LRCH4: variants seen among roughly 807,000 people sequenced by gnomAD.
The protein encoded by LRCH4 is leucine-rich repeat and calponin homology domain-containing protein 4.
A neutral mutation model predicts 81.2 loss-of-function variants in LRCH4; 56 were observed. The ratio of observed to expected loss-of-function variants is 0.69; its 90% CI spans 0.56 to 0.86. LRCH4 has a LOEUF of 0.86. LRCH4 is among the 40% of genes least tolerant of loss of function. The probability of loss-of-function intolerance (pLI) is 0.00; values close to 1 mark genes in which losing one functional copy is unlikely to be tolerated. For synonymous variants in LRCH4, 442 were observed against 409.7 expected (o/e 1.08, Z -0.95); for missense variants, 895 against 922.8 (o/e 0.97, Z 0.39).
rs749469364 is a variant in LRCH4, at chr7:100,578,793, C to G, written c.599-7G>C. On this transcript the variant is annotated splice_polypyrimidine_tract_variant and splice_region_variant and intron_variant, in intron 4 of 17. Coordinates refer to ENST00000310300, the MANE Select transcript of LRCH4 (RefSeq NM_002319.5). This position sits in a 1 kb window ranked among gnomAD's most constrained non-coding sequence, Gnocchi z 5.7. ...AGAGGGAGGTCCCCCAGCTCTGGAA[C>G]AGGTGGGCAAGGGAAAAGTCAGGAA... 1 of 1,612,228 alleles carries G rather than the reference C, an allele frequency of 6.2e-7. No individual in the cohort carries two copies. The highest frequency in any genetic ancestry group is 8.5e-7 in the Non-Finnish European group (1 of 1,179,536).
chr7:100,576,429 G>C, intron 14 of LRCH4, 106 bp from the exon 15 acceptor site: 1 of 796,858 alleles, frequency 1.3e-6, no homozygotes, highest in South Asian at 1.6e-5. Flanking sequence ...CTGCTTGTGG[G>C]ATTTTTTTTT....
At chr7:100,584,804 A>G (rs1304445690) in intron 1 of LRCH4, 3 of 456,576 alleles carry the variant, frequency 6.6e-6, no homozygotes, top group South Asian at 4.6e-5. Flanking sequence ...GCACCTGCTT[A>G]GGGAGAAGTA....
At position 100,581,805 on chromosome 7, in the gene LRCH4, C is replaced by G. The variant is rs1801567824; in HGVS notation, c.570G>C (p.Arg190=). Residue 190 remains arginine, a synonymous_variant, in exon 4 of 18, where the codon CGG becomes CGC. Coordinates refer to ENST00000310300, the MANE Select transcript of LRCH4 (RefSeq NM_002319.5). ...GLSSLRDLNV[R]RNQLSTLPEE... ...CGGGCAGCGTACTGAGCTGGTTCCTCCGGACATTGAGGTCCCGCAGGGAAG... is the reference window on the plus strand; with the variant it reads ...CGGGCAGCGTACTGAGCTGGTTCCTGCGGACATTGAGGTCCCGCAGGGAAG... 4 of 1,614,214 alleles carry G rather than the reference C, an allele frequency of 2.5e-6. No individual in the cohort carries two copies. The highest frequency in any genetic ancestry group is 3.4e-6 in the Non-Finnish European group (4 of 1,180,016).
In LRCH4 at chr7:100,582,374, G is replaced by C. The variant is rs1412544758; in HGVS notation, c.306C>G (p.Cys102Trp). The change falls in exon 2 of 18, where the codon TGC becomes TGG. Residue 102 changes from cysteine to tryptophan, a missense_variant. Coordinates refer to ENST00000310300, the MANE Select transcript of LRCH4 (RefSeq NM_002319.5). This position sits in a 1 kb window ranked among gnomAD's most constrained non-coding sequence, Gnocchi z 5.0. Reference protein sequence around the residue: ...SLEGLSLYHNCLRCLNPALGN... With the variant: ...SLEGLSLYHNWLRCLNPALGN... Reference sequence around the variant, plus strand: ...CCAAGGCTGGGTTCAGGCATCTCAGGCAATTGTGGTAGAGGCTCAGGCCCT... The same window carrying C: ...CCAAGGCTGGGTTCAGGCATCTCAGCCAATTGTGGTAGAGGCTCAGGCCCT... The C allele has an allele frequency of 6.2e-7, 1 of 1,614,112 alleles. No homozygotes were observed. Among genetic ancestry groups the C allele is most frequent in the Non-Finnish European group, 8.5e-7 (1 of 1,180,008 alleles).
intron 1 of LRCH4, chr7:100,584,059 T>C (rs1801641003): frequency 2.3e-6 from 1 of 443,046 alleles, no homozygotes; most frequent in African/African-American, 2.0e-5. Context: ...CCAAGGGAGA[T>C]CAGGGACCCA....
In LRCH4 at chr7:100,582,078, G is replaced by T; in HGVS notation, c.455C>A (p.Pro152His). 1.9e-6 allele frequency: 3 copies of T among 1,611,804 alleles called. No homozygotes were observed. Among genetic ancestry groups the T allele is most frequent in the Non-Finnish European group, 1.7e-6 (2 of 1,179,702 alleles). The change falls in exon 3 of 18, where the codon CCC becomes CAC. Residue 152 changes from proline to histidine, a missense_variant. Physicochemically the swap from Pro to His is moderately conservative, Grantham distance 77. Transcript: ENST00000310300. The surrounding 1 kb of genome is among the most constrained non-coding windows in gnomAD (Gnocchi z 5.0). The stretch of plus-strand genomic sequence containing the variant: ...GCTTCCCAGGGTGCCGATGTCAGGG[G>T]GCAGGGCTCCCAGCTTGTTGTTGCT... ...IVSNNKLGALPPDIGTLGSLR... is the reference protein window; with the variant it reads ...IVSNNKLGALHPDIGTLGSLR...
chr7:100,576,379 G>C, intron 14 of LRCH4, 56 bp from the exon 15 acceptor site: 3 of 1,334,410 alleles, frequency 2.2e-6, no homozygotes, highest in Non-Finnish European at 3.2e-6. Flanking sequence ...TGACTCTGTA[G>C]CTGGGTCCCA....
At position 100,575,042 on chromosome 7, in the gene LRCH4, G is replaced by C. The variant is rs543289455; in HGVS notation, c.*65C>G. ...GCTGAAGGCACCGCAGGTGGGGTCG[G>C]GTGGAGCAGGGACCTTATAAATAGA... On this transcript the variant is annotated 3_prime_UTR_variant, in exon 18 of 18. Transcript: ENST00000310300. This position sits in a 1 kb window ranked among gnomAD's most constrained non-coding sequence, Gnocchi z 5.3. 9.6e-6 allele frequency: 14 copies of C among 1,465,444 alleles called. No homozygotes were observed. In the African/African-American group the frequency reaches 2.0e-4, roughly 21 times the overall value. The allele number at this position is 1,465,444 out of a possible 1,614,324, so 90.8% of individuals were successfully genotyped here.
chr7:100,585,855 T>TGGGTCCG (rs763664242), intron 1 of LRCH4, 26 bp downstream of exon 1: 2 of 1,540,560 alleles, frequency 1.3e-6, no homozygotes, highest in Admixed American at 1.9e-5. Flanking sequence ...GGGACCCGGT[T>TGGGTCCG]GGGCCCGGGG....
chr7:100,578,278 T>C lies in LRCH4; in HGVS notation c.849-20A>G. 6.2e-7 allele frequency: 1 copy of C among 1,609,166 alleles called. No homozygotes were observed. On this transcript the variant is annotated intron_variant, in intron 6 of 17. Coordinates refer to ENST00000310300, the MANE Select transcript of LRCH4 (RefSeq NM_002319.5). This position sits in a 1 kb window ranked among gnomAD's most constrained non-coding sequence, Gnocchi z 5.7. ...GCAGGGCTGGGGCCAGCCAGGCGGA[T>C]CTGGTCAGCCTGATGCTGGACAACA...
In LRCH4 at chr7:100,582,959, A is replaced by G. The variant is rs933585134; in HGVS notation, c.221-500T>C. ...TACTCCAGTGTGTTTTCAACACGGG[A>G]AAAACCACAGGTCACTCTATCTTGG... On this transcript the variant is annotated intron_variant, in intron 1 of 17. Coordinates refer to ENST00000310300, the MANE Select transcript of LRCH4 (RefSeq NM_002319.5). This position sits in a 1 kb window ranked among gnomAD's most constrained non-coding sequence, Gnocchi z 5.0. Among the ~76,000 whole-genome samples, 4 of 152,198 alleles carry G rather than the reference A, an allele frequency of 2.6e-5. No individual in the cohort carries two copies. Among genetic ancestry groups the G allele is most frequent in the African/African-American group, 4.8e-5 (2 of 41,448 alleles).
chr7:100,584,306 C>T (rs1379111050), intron 1 of LRCH4: 1 of 450,808 alleles, frequency 2.2e-6, no homozygotes. Context: ...TGGCCTAGAA[C>T]CTGGGCCCTG....
chr7:100,575,066 G>A lies in LRCH4; in HGVS notation c.*41C>T, dbSNP rs757822075. On this transcript the variant is annotated 3_prime_UTR_variant, in exon 18 of 18. Transcript: ENST00000310300. This position sits in a 1 kb window ranked among gnomAD's most constrained non-coding sequence, Gnocchi z 5.3. ...GGGTGGAGCAGGGACCTTATAAATAGAGAGGAAGGGAAAGGGGTGAGGGAG... is the reference window on the plus strand; with the variant it reads ...GGGTGGAGCAGGGACCTTATAAATAAAGAGGAAGGGAAAGGGGTGAGGGAG... 16 of 1,557,940 alleles carry A rather than the reference G, an allele frequency of 1.0e-5. No homozygotes were observed. Among genetic ancestry groups the A allele is most frequent in the Non-Finnish European group, 1.4e-5 (16 of 1,146,272 alleles).
Position 100,585,922 on chromosome 7 carries a change from C to T in LRCH4, c.179G>A (p.Gly60Asp). ...SNRRLKHFPRGAARSYDLSDI... is the reference protein window; with the variant it reads ...SNRRLKHFPRDAARSYDLSDI... ...TGACAGGTCGTAGCTACGGGCCGCG[C>T]CCCGGGGGAAGTGCTTCAAGCGCCG... The change falls in exon 1 of 18, where the codon GGC becomes GAC. Residue 60 changes from glycine (G) to aspartate (D), a missense_variant. Around this residue, in one of 3 missense-constraint regions of LRCH4, gnomAD observed 360 missense variants for 397.0 expected, o/e 0.91. Transcript: ENST00000310300. 1.2e-6 allele frequency: 2 copies of T among 1,611,832 alleles called. No homozygotes were observed. The highest frequency in any genetic ancestry group is 1.7e-6 in the Non-Finnish European group (2 of 1,178,886).
In LRCH4 at chr7:100,575,665, G is replaced by A; in HGVS notation, c.1854+40C>T. On this transcript the variant is annotated intron_variant, in intron 17 of 17. Coordinates refer to ENST00000310300, the MANE Select transcript of LRCH4 (RefSeq NM_002319.5). The surrounding 1 kb of genome is among the most constrained non-coding windows in gnomAD (Gnocchi z 5.3). ...CCATCCATGCCACATGCTCGGCTGA[G>A]TCCGGCATGCCACCACTCTTTAGAA... The A allele has an allele frequency of 6.2e-7, 1 of 1,608,456 alleles. No homozygotes were observed.
At chr7:100,576,156 G>T in intron 15 of LRCH4, 82 bp downstream of exon 15, 1 of 1,514,626 alleles carries the variant, frequency 6.6e-7, no homozygotes, top group Non-Finnish European at 9.1e-7. Context: ...AGAGGATGTG[G>T]AGGGAGGCTG....
intron 1 of LRCH4, chr7:100,584,127 G>A (rs1801643175): frequency 4.4e-6 from 2 of 456,576 alleles, no homozygotes; most frequent in Non-Finnish European, 8.8e-6. Context: ...GGAGGGGAAG[G>A]CTCAAGGCAG....
Position 100,575,041 on chromosome 7 carries a change from G to A in LRCH4, c.*66C>T, listed in dbSNP as rs1203246125. On this transcript the variant is annotated 3_prime_UTR_variant, in exon 18 of 18. Transcript: ENST00000310300. This position sits in a 1 kb window ranked among gnomAD's most constrained non-coding sequence, Gnocchi z 5.3. ...GGCTGAAGGCACCGCAGGTGGGGTC[G>A]GGTGGAGCAGGGACCTTATAAATAG... 6.2e-6 allele frequency: 9 copies of A among 1,450,714 alleles called. No homozygotes were observed. Among genetic ancestry groups the A allele is most frequent in the Admixed American group, 2.2e-5 (1 of 45,128 alleles). 89.9% of individuals were successfully genotyped at this position (1,450,714 alleles called of 1,614,324 possible). A position where few individuals can be genotyped will look rare whatever the true frequency, so the allele number is the denominator to read the frequency against.
In LRCH4 at chr7:100,574,191, A is replaced by T; in HGVS notation, c.*916T>A. 1 of 166,122 alleles carries T rather than the reference A, an allele frequency of 6.0e-6. No individual in the cohort carries two copies. The highest frequency in any genetic ancestry group is 1.0e-4 in the South Asian group (1 of 9,662). The allele number at this position is 166,122 out of a possible 1,614,324, so 10.3% of individuals were successfully genotyped here. A position where few individuals can be genotyped will look rare whatever the true frequency, so the allele number is the denominator to read the frequency against. On this transcript the variant is annotated 3_prime_UTR_variant, in exon 18 of 18. Coordinates refer to ENST00000310300, the MANE Select transcript of LRCH4 (RefSeq NM_002319.5). Reference sequence around the variant, plus strand: ...GTGCTTCTCTGAGAGCGCGGAGCCCAGGCGCGTCTTCTGCTCCCGGGGTCC... The same window carrying T: ...GTGCTTCTCTGAGAGCGCGGAGCCCTGGCGCGTCTTCTGCTCCCGGGGTCC...
Sources: allele counts gnomAD v4.1 joint callset (sites outside exome capture counted in the v4.1 genomes callset), GRCh38; gene constraint gnomAD v4.1.1; regional missense constraint gnomAD v4.1.1; non-coding constraint Gnocchi (gnomAD v3.1); transcripts MANE v1.5; gene names NCBI Gene and HGNC (gene_info 2026-07-23, HGNC 2026-07-21).